USP34: variants seen among roughly 807,000 people sequenced by gnomAD.
USP34 encodes ubiquitin specific peptidase 34, also known as ubiquitin carboxyl-terminal hydrolase 34.
A neutral mutation model predicts 460.3 loss-of-function variants in USP34; 70 were observed. The ratio of observed to expected loss-of-function variants is 0.15; its 90% CI spans 0.13 to 0.19. The LOEUF is 0.19. Among genes scored for constraint, USP34 ranks in the 10% least tolerant of loss-of-function variants. The pLI, the probability that USP34 is intolerant of heterozygous loss-of-function variation, is 1.00. For missense variants in USP34, 3,985 were observed against 4,236.2 expected, an observed-to-expected ratio of 0.94 and a Z score of 1.65; for synonymous variants, 1,647 against 1,405.3, an observed-to-expected ratio of 1.17 and a Z score of -3.85.
intron 23 of USP34, among the ~76,000 whole-genome samples, chr2:61,315,374 A>G (rs1483671878): frequency 6.9e-6 from 1 of 144,100 alleles, no homozygotes. Context: ...TTCTCACCCA[A>G]TTTTTTTTTT....
intron 35 of USP34, among the ~76,000 whole-genome samples, chr2:61,283,969 G>T (rs1689613503): frequency 6.6e-6 from 1 of 151,964 alleles, no homozygotes; most frequent in South Asian, 2.1e-4. Flanking sequence ...TAAGTCAAAG[G>T]GTATGAAGTT....
chr2:61,370,685 TAAAG>T, intron 8 of USP34, 106 bp from the exon 9 acceptor site: 1 of 908,356 alleles, frequency 1.1e-6, no homozygotes, highest in Non-Finnish European at 1.7e-6. Context: ...ATAGGAATTA[TAAAG>T]AATTAGATAC....
intron 1 of USP34, among the ~76,000 whole-genome samples, chr2:61,423,888 T>A (rs1254177602): frequency 6.6e-6 from 1 of 152,154 alleles, no homozygotes; most frequent in African/African-American, 2.4e-5. Flanking sequence ...GTCCAGAAGT[T>A]CAACGCTATA....
At chr2:61,374,353 A>T (rs1422518637) in intron 8 of USP34, among the ~76,000 whole-genome samples, 1 of 152,022 alleles carries the variant, frequency 6.6e-6, no homozygotes, top group Non-Finnish European at 1.5e-5. Context: ...GTGAAGAAAA[A>T]TATTTTTTCT....
chr2:61,293,062 A>C (rs1689911157), intron 33 of USP34, among the ~76,000 whole-genome samples: 2 of 152,092 alleles, frequency 1.3e-5, no homozygotes, highest in Admixed American at 1.3e-4. Flanking sequence ...CATGGTCTGG[A>C]AACACGTTTT....
chr2:61,386,556 C>T (rs570908247), intron 5 of USP34, among the ~76,000 whole-genome samples: 1 of 151,892 alleles, frequency 6.6e-6, no homozygotes, highest in East Asian at 1.9e-4. Flanking sequence ...TTTGGGGAGC[C>T]GAGGCAGATG....
At chr2:61,249,111 C>T (rs1163928683) in intron 48 of USP34, among the ~76,000 whole-genome samples, 1 of 152,084 alleles carries the variant, frequency 6.6e-6, no homozygotes, top group Non-Finnish European at 1.5e-5. Context: ...TAGAACAATT[C>T]TAACAATACA....
chr2:61,453,714 CAAAAAAAAAAA>C lies in USP34; in HGVS notation c.43+16925_43+16935del, dbSNP rs1169951643. The stretch of plus-strand genomic sequence containing the variant: ...CAAGCAACAGAGTGACATTCCATCT[CAAAAAAAAAAA>C]AAAAAAAAAAGGAAGAAGAAAAAAA... On this transcript the variant is annotated intron_variant, in intron 1 of 79. Coordinates refer to ENST00000398571, the MANE Select transcript of USP34 (RefSeq NM_014709.4). Among the ~76,000 whole-genome samples, 5 of 31,934 alleles carry C rather than the reference CAAAAAAAAAAA, an allele frequency of 1.6e-4. 1 individual carries two copies. The highest frequency in any genetic ancestry group is 2.3e-3 in the South Asian group (2 of 882). 20.9% of individuals were successfully genotyped at this position (31,934 alleles called of 152,430 possible). A position where few individuals can be genotyped will look rare whatever the true frequency, so the allele number is the denominator to read the frequency against.
At position 61,278,446 on chromosome 2, in the gene USP34, T is replaced by A. The variant is rs1572895213; in HGVS notation, c.5257-3A>T. On this transcript the variant is annotated splice_region_variant and splice_polypyrimidine_tract_variant and intron_variant, in intron 39 of 79. Transcript: ENST00000398571. ...GCATCTAAGTCGAGGAGCGTTGTCT[T>A]AATACAAAAAGAAAATAAAAATTCA... The A allele has an allele frequency of 2.6e-6, 4 of 1,536,250 alleles. No homozygotes were observed. In the African/African-American group the frequency reaches 4.2e-5, roughly 16 times the overall value.
intron 7 of USP34, among the ~76,000 whole-genome samples, chr2:61,378,928 A>AAAC (rs1558559688): frequency 6.7e-6 from 1 of 149,100 alleles, no homozygotes; most frequent in Non-Finnish European, 1.5e-5. Flanking sequence ...AAAAAAAAAA[A>AAAC]AAAAAAAAAC....
chr2:61,323,979 T>A (rs1691007551), intron 21 of USP34, among the ~76,000 whole-genome samples: 1 of 152,108 alleles, frequency 6.6e-6, no homozygotes, highest in African/African-American at 2.4e-5. Flanking sequence ...GAAACAGACT[T>A]TAAATAACAA....
At chr2:61,355,381 A>G (rs1487617837) in intron 10 of USP34, among the ~76,000 whole-genome samples, 9 of 152,212 alleles carry the variant, frequency 5.9e-5, no homozygotes, top group Admixed American at 5.9e-4. Flanking sequence ...TAAAAAACAA[A>G]GAATAATTAT....
intron 1 of USP34, among the ~76,000 whole-genome samples, chr2:61,448,815 G>A (rs1308369100): frequency 6.6e-6 from 1 of 152,108 alleles, no homozygotes; most frequent in East Asian, 1.9e-4. Flanking sequence ...GCATCAGAAA[G>A]AATAAGATTC....
chr2:61,273,162 T>G (rs1292023151), intron 41 of USP34, among the ~76,000 whole-genome samples: 1 of 152,148 alleles, frequency 6.6e-6, no homozygotes, highest in African/African-American at 2.4e-5. Context: ...AAGAAATACT[T>G]AAAACCTAAA....
intron 1 of USP34, among the ~76,000 whole-genome samples, chr2:61,465,235 A>G (rs1028712406): frequency 6.6e-6 from 1 of 152,162 alleles, no homozygotes; most frequent in South Asian, 2.1e-4. Flanking sequence ...TAGGATCCTT[A>G]GTCTGGTTCC....
chr2:61,251,408 GTTTAA>G (rs1329856540), intron 48 of USP34, among the ~76,000 whole-genome samples: 4 of 152,234 alleles, frequency 2.6e-5, no homozygotes, highest in Admixed American at 2.0e-4. Flanking sequence ...AGAAAATATT[GTTTAA>G]TTTAAATGAA....
chr2:61,289,720 G>T (rs960698516), intron 33 of USP34, among the ~76,000 whole-genome samples: 2 of 152,030 alleles, frequency 1.3e-5, no homozygotes, highest in Non-Finnish European at 2.9e-5. Context: ...ACAAATTGGT[G>T]CTATAAAAAC....
chr2:61,224,708 G>C (rs568835060), intron 62 of USP34, among the ~76,000 whole-genome samples: 1 of 152,156 alleles, frequency 6.6e-6, no homozygotes, highest in African/African-American at 2.4e-5. Flanking sequence ...TCCAAAAGTT[G>C]CAAGTAAACT....
chr2:61,441,954 G>T (rs1694978446), intron 1 of USP34, among the ~76,000 whole-genome samples: 1 of 151,998 alleles, frequency 6.6e-6, no homozygotes, highest in Non-Finnish European at 1.5e-5. Context: ...AGAACAGAGT[G>T]CCCAGAAGTT....
Sources: gnomAD v4.1 joint callset for allele counts (sites outside exome capture counted in the v4.1 genomes callset) on GRCh38, gnomAD v4.1.1 for gene constraint, MANE v1.5 for transcripts, NCBI Gene and HGNC (gene_info 2026-07-23, HGNC 2026-07-21) for gene names.